Variants in FBXO36 observed in about 807,000 individuals in gnomAD.
FBXO36 encodes F-box only protein 36.
A neutral mutation model predicts 17.0 loss-of-function variants in FBXO36; 18 were observed. The observed-to-expected ratio is 1.06, with a 90% CI of 0.73 to 1.57. The LOEUF (loss-of-function observed/expected upper bound fraction) is 1.57. FBXO36 is among the 40% of genes most tolerant of loss of function. The probability of loss-of-function intolerance (pLI) is 0.00; values close to 1 mark genes in which losing one functional copy is unlikely to be tolerated. For synonymous variants in FBXO36, 83 were observed against 85.3 expected (o/e 0.97, Z 0.15); for missense variants, 229 against 221.9 (o/e 1.03, Z -0.20).
intron 3 of FBXO36, 68 bp from the exon 4 acceptor site, chr2:230,010,628 C>T (rs1446567534): frequency 1.4e-6 from 2 of 1,408,222 alleles, no homozygotes; most frequent in African/African-American, 2.8e-5. Flanking sequence ...GTCCCACAGG[C>T]AGCAAGAGTT....
At chr2:229,945,993 G>A (rs956489391) in intron 1 of FBXO36, among the ~76,000 whole-genome samples, 1 of 151,130 alleles carries the variant, frequency 6.6e-6, no homozygotes, top group African/African-American at 2.4e-5. Flanking sequence ...TTGTACTCCA[G>A]CCTGGGTAAC....
chr2:229,976,073 T>A (rs2077206679), intron 1 of FBXO36, among the ~76,000 whole-genome samples, 168 bp from the exon 2 acceptor site: 1 of 152,208 alleles, frequency 6.6e-6, no homozygotes, highest in South Asian at 2.1e-4. Flanking sequence ...CTAAGGAAAA[T>A]GTTCTTTGAT....
chr2:229,960,001 G>A (rs941551769), intron 1 of FBXO36, among the ~76,000 whole-genome samples: 13 of 152,074 alleles, frequency 8.5e-5, no homozygotes, highest in Non-Finnish European at 1.9e-4. Flanking sequence ...GTTTCAGCCT[G>A]ATAATAAGGA....
intron 3 of FBXO36, 125 bp from the exon 4 acceptor site, chr2:230,010,571 T>G (rs1577369085): frequency 7.8e-6 from 6 of 770,960 alleles, no homozygotes; most frequent in South Asian, 2.6e-5. Context: ...AAAGAGGAGG[T>G]TTCTCAAGGC....
At chr2:229,939,616 AAGAG>A (rs1044880989) in intron 1 of FBXO36, among the ~76,000 whole-genome samples, 3 of 152,060 alleles carry the variant, frequency 2.0e-5, no homozygotes, top group South Asian at 2.1e-4. Flanking sequence ...GCCTCAAAAA[AAGAG>A]AGAGAAATAG....
At chr2:229,964,628 A>G (rs2077141501) in intron 1 of FBXO36, among the ~76,000 whole-genome samples, 1 of 152,024 alleles carries the variant, frequency 6.6e-6, no homozygotes, top group Non-Finnish European at 1.5e-5. Flanking sequence ...TCAAGTGATT[A>G]TCCTGCCTCA....
chr2:230,000,807 A>G, intron 3 of FBXO36, among the ~76,000 whole-genome samples: 1 of 151,138 alleles, frequency 6.6e-6, no homozygotes, highest in Admixed American at 6.6e-5. Context: ...AACATGACTC[A>G]GGGCTGCTGC....
Position 230,010,855 on chromosome 2 carries a change from T to C in FBXO36, c.538T>C (p.Tyr180His). 1 of 1,612,668 alleles carries C rather than the reference T, an allele frequency of 6.2e-7. No homozygotes were observed. The highest frequency in any genetic ancestry group is 1.1e-5 in the South Asian group (1 of 90,916). ...QRQLRKRKQKYGNLREKQP is the reference protein window; with the variant it reads ...QRQLRKRKQKHGNLREKQP Reference sequence around the variant, plus strand: ...GCAGCTCCGCAAGAGGAAACAAAAATATGGAAACCTGAGAGAAAAGCAACC... The same window carrying C: ...GCAGCTCCGCAAGAGGAAACAAAAACATGGAAACCTGAGAGAAAAGCAACC... The change falls in exon 4 of 4, where the codon TAT (tyrosine) becomes CAT (histidine). Residue 180 changes from tyrosine to histidine, a missense_variant. Tyr to His is a moderately conservative substitution (Grantham distance 83). Transcript: ENST00000283946.
At chr2:229,989,420 G>T (rs1260836551) in intron 2 of FBXO36, among the ~76,000 whole-genome samples, 2 of 152,082 alleles carry the variant, frequency 1.3e-5, no homozygotes, top group Admixed American at 6.6e-5. Context: ...ACCATGCCTG[G>T]CTAATTTTGT....
chr2:229,962,880 T>TCTC (rs2077130927), intron 1 of FBXO36, among the ~76,000 whole-genome samples: 1 of 152,078 alleles, frequency 6.6e-6, no homozygotes, highest in Non-Finnish European at 1.5e-5. Context: ...TTTCACCATG[T>TCTC]TAGCCAGGCT....
intron 2 of FBXO36, among the ~76,000 whole-genome samples, chr2:229,978,341 G>A (rs902048292): frequency 2.0e-5 from 3 of 151,788 alleles, no homozygotes; most frequent in South Asian, 2.1e-4. Flanking sequence ...CCAGCACTTC[G>A]GAAGGCCAAG....
In FBXO36 at chr2:230,005,144, C is replaced by T. The variant is rs549991113; in HGVS notation, c.379-5552C>T. 9.2e-5 allele frequency among the ~76,000 whole-genome samples: 14 copies of T among 152,182 alleles called. No homozygotes were observed. In the East Asian group the frequency reaches 2.5e-3, roughly 27 times the overall value. On this transcript the variant is annotated intron_variant, in intron 3 of 3. Transcript: ENST00000283946. The stretch of plus-strand genomic sequence containing the variant: ...GACAGGGTCATCTTGCTGTGTCACC[C>T]AGGCAGGAGTGTGGTGGCATAAACA...
intron 1 of FBXO36, among the ~76,000 whole-genome samples, chr2:229,946,993 C>A (rs2077030411): frequency 6.6e-6 from 1 of 152,180 alleles, no homozygotes; most frequent in East Asian, 1.9e-4. Flanking sequence ...ATGGTGAAAT[C>A]CCGTCTCTAC....
intron 2 of FBXO36, among the ~76,000 whole-genome samples, chr2:229,982,902 T>G (rs1359194156): frequency 2.6e-5 from 4 of 152,096 alleles, no homozygotes; most frequent in Admixed American, 6.6e-5. Flanking sequence ...GGGACGGGCA[T>G]TATTATGTCT....
chr2:229,930,124 G>A (rs537326048), intron 1 of FBXO36, among the ~76,000 whole-genome samples: 3 of 152,198 alleles, frequency 2.0e-5, no homozygotes, highest in African/African-American at 7.2e-5. Flanking sequence ...TAGGCAGAAA[G>A]ATCACTCGAG....
At chr2:229,951,225 G>A (rs537662040) in intron 1 of FBXO36, among the ~76,000 whole-genome samples, 6 of 151,892 alleles carry the variant, frequency 4.0e-5, no homozygotes, top group South Asian at 2.1e-4. Flanking sequence ...GAGCCACCGC[G>A]CCCGTCCCAG....
chr2:230,002,729 T>C lies in FBXO36; in HGVS notation c.378+5806T>C, dbSNP rs146720284. Among the ~76,000 whole-genome samples the C allele has an allele frequency of 2.0e-3, 301 of 152,334 alleles. 2 individuals are homozygous for C. The highest frequency in any genetic ancestry group is 7.0e-3 in the African/African-American group (293 of 41,578). The stretch of plus-strand genomic sequence containing the variant: ...GTTTCATCCTTCAAAAAACAAAAAC[T>C]ATCCTTATCCAATCTCTCTTCTTCA... On this transcript the variant is annotated intron_variant, in intron 3 of 3. Transcript: ENST00000283946.
chr2:229,934,131 G>A (rs138716820), intron 1 of FBXO36, among the ~76,000 whole-genome samples: 3,618 of 152,106 alleles, frequency 0.024, 80 homozygotes, highest in Non-Finnish European at 0.039. Context: ...GCCGGGTGCG[G>A]TGGCTCACGC....
chr2:229,952,568 C>T (rs1039323063), intron 1 of FBXO36, among the ~76,000 whole-genome samples: 3 of 152,142 alleles, frequency 2.0e-5, no homozygotes, highest in African/African-American at 4.8e-5. Flanking sequence ...ACCTCCGCCC[C>T]GACCTTTCTC....
Sources: gnomAD v4.1 joint callset for allele counts (sites outside exome capture counted in the v4.1 genomes callset) on GRCh38, gnomAD v4.1.1 for gene constraint, MANE v1.5 for transcripts, NCBI Gene and HGNC (gene_info 2026-07-23, HGNC 2026-07-21) for gene names.